Variants in MAGI2 observed in about 807,000 individuals in gnomAD.
The protein encoded by MAGI2 is membrane associated guanylate kinase, WW and PDZ domain containing 2, also known as membrane-associated guanylate kinase, WW and PDZ domain-containing protein 2.
A neutral mutation model predicts 133.3 loss-of-function variants in MAGI2; 35 were observed. The ratio of observed to expected loss-of-function variants is 0.26; its 90% CI spans 0.20 to 0.35. The LOEUF is 0.35. Ranked by LOEUF, MAGI2 falls within the 10% of genes least tolerant of loss-of-function variation. The pLI, the probability that MAGI2 is intolerant of heterozygous loss-of-function variation, is 1.00. For synonymous variants in MAGI2, 729 were observed against 710.6 expected, an observed-to-expected ratio of 1.03 and a Z score of -0.41; for missense variants, 1,636 against 1,863.4, an observed-to-expected ratio of 0.88 and a Z score of 2.25.
intron 2 of MAGI2, among the ~76,000 whole-genome samples, chr7:78,836,367 A>T (rs1291186829): frequency 6.6e-6 from 1 of 152,168 alleles, no homozygotes; most frequent in African/African-American, 2.4e-5. Flanking sequence ...ATGGCACAGT[A>T]TCAGATCTTT....
intron 6 of MAGI2, among the ~76,000 whole-genome samples, chr7:78,371,749 A>T (rs1793939997): frequency 6.6e-6 from 1 of 152,044 alleles, no homozygotes; most frequent in African/African-American, 2.4e-5. Context: ...TTTATTTTTC[A>T]TAAGATATCA....
intron 6 of MAGI2, among the ~76,000 whole-genome samples, chr7:78,474,829 T>C (rs7794836): frequency 0.21 from 32,197 of 151,484 alleles, 4,063 homozygotes; most frequent in African/African-American, 0.36. Context: ...TATTTAATTT[T>C]AAATATTAAC....
At chr7:78,140,137 G>T (rs542056715) in intron 16 of MAGI2, among the ~76,000 whole-genome samples, 1 of 152,234 alleles carries the variant, frequency 6.6e-6, no homozygotes, top group East Asian at 1.9e-4. Context: ...AAAGTGGGCC[G>T]ATCCAGCCAA....
At chr7:79,228,354 CAAAA>C (rs746424350) in intron 1 of MAGI2, among the ~76,000 whole-genome samples, 2 of 31,436 alleles carry the variant, frequency 6.4e-5, no homozygotes, top group Non-Finnish European at 7.9e-5. Context: ...AAAAAACAGG[CAAAA>C]AAAAAAAAAA....
chr7:79,183,169 G>T (rs1019688012), intron 1 of MAGI2, among the ~76,000 whole-genome samples: 13 of 151,820 alleles, frequency 8.6e-5, no homozygotes, highest in Middle Eastern at 3.4e-3. Flanking sequence ...ACCATATATT[G>T]TATATTTCAA....
At chr7:79,006,781 C>T (rs1297671390) in intron 2 of MAGI2, 1 of 224,936 alleles carries the variant, frequency 4.4e-6, no homozygotes, top group South Asian at 1.5e-4. Context: ...GTTCTATCTC[C>T]ATCATAATTC....
intron 2 of MAGI2, among the ~76,000 whole-genome samples, chr7:78,837,746 G>A (rs1791770994): frequency 6.6e-6 from 1 of 152,072 alleles, no homozygotes. Flanking sequence ...TCCAACTACA[G>A]TTTTAATGGA....
At chr7:78,117,670 A>G (rs955292214) in intron 20 of MAGI2, among the ~76,000 whole-genome samples, 1 of 152,126 alleles carries the variant, frequency 6.6e-6, no homozygotes, top group Non-Finnish European at 1.5e-5. Context: ...AGCCAAGCCA[A>G]TGAAATTTAA....
chr7:79,027,238 T>A (rs1242927066), intron 1 of MAGI2, among the ~76,000 whole-genome samples: 2 of 152,102 alleles, frequency 1.3e-5, no homozygotes, highest in African/African-American at 4.8e-5. Context: ...CCATCTATAC[T>A]CCCCTGTTCA....
chr7:78,837,073 A>G (rs1464086292), intron 2 of MAGI2, among the ~76,000 whole-genome samples: 1 of 152,096 alleles, frequency 6.6e-6, no homozygotes, highest in Non-Finnish European at 1.5e-5. Context: ...CATTATTGTT[A>G]CTTCTGTTTT....
intron 1 of MAGI2, among the ~76,000 whole-genome samples, chr7:79,226,907 G>A (rs1830910414): frequency 6.6e-6 from 1 of 152,058 alleles, no homozygotes; most frequent in South Asian, 2.1e-4. Flanking sequence ...ATTTGCAAGT[G>A]ACTATTGCCT....
intron 2 of MAGI2, among the ~76,000 whole-genome samples, chr7:78,662,043 T>C (rs1813016743): frequency 6.6e-6 from 1 of 152,076 alleles, no homozygotes; most frequent in South Asian, 2.1e-4. Context: ...TCATCACAGA[T>C]CTGCAGACAT....
intron 1 of MAGI2, among the ~76,000 whole-genome samples, chr7:79,154,342 T>G (rs1189633188): frequency 1.3e-5 from 2 of 152,228 alleles, no homozygotes; most frequent in Admixed American, 6.5e-5. Flanking sequence ...GACATTTACA[T>G]GTCAAGCTTC....
intron 1 of MAGI2, among the ~76,000 whole-genome samples, chr7:79,306,203 G>GTA (rs1042977333): frequency 0.012 from 1,646 of 141,486 alleles, 27 homozygotes; most frequent in African/African-American, 0.04. Context: ...ATATATACAT[G>GTA]TATATATATA....
intron 3 of MAGI2, among the ~76,000 whole-genome samples, chr7:78,564,133 T>C (rs1800687548): frequency 6.6e-6 from 1 of 152,124 alleles, no homozygotes; most frequent in Admixed American, 6.5e-5. Context: ...ACGCCAAGGT[T>C]AATTGAGCAG....
chr7:78,446,828 T>A (rs930987487), intron 6 of MAGI2, among the ~76,000 whole-genome samples: 2 of 152,144 alleles, frequency 1.3e-5, no homozygotes, highest in Non-Finnish European at 2.9e-5. Flanking sequence ...ATTATGCTTA[T>A]AAGCATGAAA....
intron 2 of MAGI2, among the ~76,000 whole-genome samples, chr7:78,687,575 T>C (rs1478471876): frequency 6.6e-6 from 1 of 152,132 alleles, no homozygotes; most frequent in Non-Finnish European, 1.5e-5. Context: ...AGAAATGTTG[T>C]CCAATAAATG....
chr7:79,126,704 T>C (rs1223513104), intron 1 of MAGI2, among the ~76,000 whole-genome samples: 1 of 152,138 alleles, frequency 6.6e-6, no homozygotes, highest in African/African-American at 2.4e-5. Flanking sequence ...AATGTTCTTA[T>C]CTTTCTCATC....
At chr7:78,311,402 G>C (rs1044791495) in intron 9 of MAGI2, among the ~76,000 whole-genome samples, 4 of 152,202 alleles carry the variant, frequency 2.6e-5, no homozygotes, top group African/African-American at 9.6e-5. Flanking sequence ...ATGACTCGAA[G>C]TCTCTGCATT....
Sources: allele counts gnomAD v4.1 joint callset (sites outside exome capture counted in the v4.1 genomes callset), GRCh38; gene constraint gnomAD v4.1.1; transcripts MANE v1.5; gene names NCBI Gene and HGNC (gene_info 2026-07-23, HGNC 2026-07-21).